CAPN10: variants seen among roughly 807,000 people sequenced by gnomAD.
The protein encoded by CAPN10 is calpain-10.
A neutral mutation model predicts 78.4 loss-of-function variants in CAPN10; 71 were observed. The ratio of observed to expected loss-of-function variants is 0.91; its 90% CI spans 0.75 to 1.10. CAPN10 has a LOEUF of 1.10. Among genes scored for constraint, CAPN10 ranks in the 50% least tolerant of loss-of-function variants. The pLI, the probability that CAPN10 is intolerant of heterozygous loss-of-function variation, is 0.00. For synonymous variants in CAPN10, 437 were observed against 407.2 expected, an observed-to-expected ratio of 1.07 and a Z score of -0.88; for missense variants, 849 against 924.6, an observed-to-expected ratio of 0.92 and a Z score of 1.06.
In CAPN10 at chr2:240,598,632, C is replaced by T. The variant is rs2093152755; in HGVS notation, c.1990-19C>T. On this transcript the variant is annotated intron_variant, in intron 11 of 11. Coordinates refer to ENST00000391984, the MANE Select transcript of CAPN10 (RefSeq NM_023083.4). ...GGGCGAGTGCCACCGCTGCCCGGGC[C>T]CCCCATCTGTCTTTGCAGGTCTCCA... 1 of 1,572,804 alleles carries T rather than the reference C, an allele frequency of 6.4e-7. No homozygotes were observed. Among genetic ancestry groups the T allele is most frequent in the Middle Eastern group, 1.7e-4 (1 of 6,008 alleles).
chr2:240,595,238 T>C lies in CAPN10; in HGVS notation c.1212T>C (p.His404=). ...CCCGGGCACTGGTGGGTGACAGTCA[T>C]ACTTCGTGGAGCCCAGCGAGCATCC... The part of the protein sequence containing the change: ...GRARALVGDS[H]TSWSPASIPG... Residue 404 remains histidine, a synonymous_variant, in exon 7 of 12, where the codon CAT becomes CAC. Transcript: ENST00000391984. The C allele has an allele frequency of 1.2e-6, 2 of 1,613,620 alleles. No homozygotes were observed. Among genetic ancestry groups the C allele is most frequent in the Non-Finnish European group, 1.7e-6 (2 of 1,180,012 alleles).
chr2:240,587,251 C>A (rs1273763118), intron 1 of CAPN10, among the ~76,000 whole-genome samples, 199 bp downstream of exon 1: 7 of 152,230 alleles, frequency 4.6e-5, no homozygotes, highest in Non-Finnish European at 1.0e-4. Context: ...CTCGGCGCTA[C>A]CCTAAGGACG....
chr2:240,594,106 C>T, intron 5 of CAPN10, 59 bp downstream of exon 5: 4 of 1,489,542 alleles, frequency 2.7e-6, no homozygotes, highest in Non-Finnish European at 3.6e-6. Flanking sequence ...GCCAGTCTGG[C>T]CTGTGTCCTG....
rs2093119447 is a variant in CAPN10, at chr2:240,593,985, C to CCTG, written c.776_778dup (p.Leu259dup). ...TCCAGGGTCAGGCGGGCCAGTGCAT[C>CCTG]CTGCTGCTGCGGATCCAGAACCCCT... On this transcript the variant is annotated inframe_insertion, in exon 5 of 12. Transcript: ENST00000391984. 1 of 1,611,416 alleles carries CCTG rather than the reference C, an allele frequency of 6.2e-7. No homozygotes were observed. Among genetic ancestry groups the CCTG allele is most frequent in the Non-Finnish European group, 8.5e-7 (1 of 1,178,430 alleles).
intron 5 of CAPN10, 125 bp from the exon 6 acceptor site, chr2:240,594,418 G>T: frequency 1.0e-6 from 1 of 957,094 alleles, no homozygotes; most frequent in Non-Finnish European, 1.6e-6. Context: ...GCAGAGCTGG[G>T]GCACGGGGTT....
At chr2:240,588,757 GTGCTGAGAGATAA>G (rs927914724) in intron 1 of CAPN10, among the ~76,000 whole-genome samples, 1 of 152,076 alleles carries the variant, frequency 6.6e-6, no homozygotes, top group African/African-American at 2.4e-5. Context: ...GGAGACTATG[GTGCTGAGAGATAA>G]TGTCTTAAAG....
intron 7 of CAPN10, among the ~76,000 whole-genome samples, chr2:240,595,543 C>T (rs2125464026): frequency 6.6e-6 from 1 of 152,354 alleles, no homozygotes; most frequent in Middle Eastern, 3.4e-3. Flanking sequence ...CAAAGGAAAG[C>T]AACAGAGTCT....
In CAPN10 at chr2:240,594,589, C is replaced by T; in HGVS notation, c.877C>T (p.Leu293=). ...AGATGCAGCGGTAGCATCTGAGCTC[C>T]TGTCCCAGCTCCAGGAAGGGGAGTT... ...QVDAAVASEL[L]SQLQEGEFWV... is the part of the protein sequence containing the mutation. The change falls in exon 6 of 12, where the codon CTG becomes TTG. Residue 293 remains leucine, a synonymous_variant. Transcript: ENST00000391984. The T allele has an allele frequency of 6.2e-7, 1 of 1,613,958 alleles. No homozygotes were observed.
rs1207972202 is a variant in CAPN10 at position 240,592,787 on chromosome 2, T to G, written c.688+637T>G. ...CTGCCACACACGCGCTGTCAAATGT[T>G]CGCCCCATGAGCGGGTTTGCCACAG... On this transcript the variant is annotated intron_variant, in intron 4 of 11. Transcript: ENST00000391984. 2.2e-5 allele frequency: 5 copies of G among 223,646 alleles called. No individual in the cohort carries two copies. The South Asian group carries it at 2.8e-4, about 12-fold the overall frequency. 13.9% of individuals were successfully genotyped at this position (223,646 alleles called of 1,614,324 possible).
chr2:240,594,906 T>C (rs912243732), intron 6 of CAPN10, 118 bp from the exon 7 acceptor site: 24 of 937,654 alleles, frequency 2.6e-5, no homozygotes, highest in African/African-American at 4.0e-5. Context: ...TGGGAGGGGC[T>C]GGCTCTGTCT....
intron 7 of CAPN10, chr2:240,596,042 C>G (rs771966579): frequency 3.1e-5 from 46 of 1,506,470 alleles, no homozygotes; most frequent in Non-Finnish European, 3.8e-5. Context: ...TGTCCAGCAG[C>G]CCCCAGGTTG....
chr2:240,596,813 C>G lies in CAPN10; in HGVS notation c.1614C>G (p.Tyr538Ter). 6.2e-7 allele frequency: 1 copy of G among 1,613,282 alleles called. No individual in the cohort carries two copies. Among genetic ancestry groups the G allele is most frequent in the East Asian group, 2.2e-5 (1 of 44,878 alleles). ...GGGGCAGCAGGAACTTTGCCTCATA[C>G]CCCACCAACCCCTGCTTCCCCTTCT... Reference protein sequence around the residue: ...TAGGSRNFASYPTNPCFPFSV... With the variant: ...TAGGSRNFAS The change falls in exon 9 of 12, where the codon TAC becomes TAG. Residue 538 changes from tyrosine (Y) to a stop codon, truncating the protein, a stop_gained. Coordinates refer to ENST00000391984, the MANE Select transcript of CAPN10 (RefSeq NM_023083.4). LOFTEE classifies it high-confidence loss of function.
chr2:240,594,392 G>A (rs1270660929), intron 5 of CAPN10, 151 bp from the exon 6 acceptor site: 14 of 771,518 alleles, frequency 1.8e-5, no homozygotes, highest in East Asian at 1.2e-4. Context: ...GAGCTGCTTC[G>A]GGTGTGGGAG....
At position 240,594,545 on chromosome 2, in the gene CAPN10, G is replaced by T; in HGVS notation, c.833G>T (p.Gly278Val). 6.2e-7 allele frequency: 1 copy of T among 1,612,848 alleles called. No homozygotes were observed. The highest frequency in any genetic ancestry group is 8.5e-7 in the Non-Finnish European group (1 of 1,179,408). Residue 278 changes from glycine (G) to valine (V), a missense_variant and splice_region_variant, in exon 6 of 12, where the codon GGT (glycine) becomes GTT (valine). Transcript: ENST00000391984. The part of the protein sequence containing the change: ...RCWQGLWREG[G>V]EGWSQVDAAV... ...TGCTGAGATGAGGTTTCTTCCAGGG[G>T]TGAAGGGTGGAGCCAGGTAGATGCA...
At chr2:240,595,660 G>A (rs2093132234) in intron 7 of CAPN10, among the ~76,000 whole-genome samples, 1 of 152,218 alleles carries the variant, frequency 6.6e-6, no homozygotes, top group Non-Finnish European at 1.5e-5. Context: ...GACCTGTCAG[G>A]GCCAGTCCCA....
intron 1 of CAPN10, 50 bp downstream of exon 1, chr2:240,587,102 C>G (rs2093073137): frequency 8.1e-7 from 1 of 1,232,464 alleles, no homozygotes; most frequent in Admixed American, 4.1e-5. Flanking sequence ...TCTGAGATCT[C>G]CGCTCCTCGC....
intron 7 of CAPN10, chr2:240,596,097 G>A: frequency 6.5e-7 from 1 of 1,536,354 alleles, no homozygotes; most frequent in Non-Finnish European, 8.8e-7. Context: ...AGGAGGACTT[G>A]CAGGCTCGTG....
chr2:240,587,434 G>C (rs1293725591), intron 1 of CAPN10, among the ~76,000 whole-genome samples: 5 of 152,354 alleles, frequency 3.3e-5, no homozygotes, highest in African/African-American at 1.2e-4. Context: ...CTCTGAAGTG[G>C]CTAGGCCGAG....
In CAPN10 at chr2:240,593,693, C is replaced by T. The variant is rs377404202; in HGVS notation, c.689-213C>T. On this transcript the variant is annotated intron_variant, in intron 4 of 11. Transcript: ENST00000391984. The stretch of plus-strand genomic sequence containing the variant: ...CCCGGATGGCAGCCGAGTCAGGCCC[C>T]GTGTGCTTGCTCCTGGAGATGCTCC... 2.5e-3 allele frequency among the ~76,000 whole-genome samples: 382 copies of T among 152,290 alleles called. 1 individual carries two copies. The highest frequency in any genetic ancestry group is 4.2e-3 in the Non-Finnish European group (284 of 68,034).
Sources: gnomAD v4.1 joint callset for allele counts (sites outside exome capture counted in the v4.1 genomes callset) on GRCh38, gnomAD v4.1.1 for gene constraint, MANE v1.5 for transcripts, NCBI Gene and HGNC (gene_info 2026-07-23, HGNC 2026-07-21) for gene names.